DLGAP2: variants seen among roughly 807,000 people sequenced by gnomAD.
DLGAP2 encodes DLG associated protein 2.
A neutral mutation model predicts 100.3 loss-of-function variants in DLGAP2; 26 were observed. The ratio of observed to expected loss-of-function variants is 0.26; its 90% CI spans 0.19 to 0.36. DLGAP2 has a LOEUF of 0.36. DLGAP2 is among the 10% of genes least tolerant of loss of function. The pLI, the probability that DLGAP2 is intolerant of heterozygous loss-of-function variation, is 1.00. For synonymous variants in DLGAP2, 886 were observed against 630.1 expected (o/e 1.41, Z -6.08); for missense variants, 1,858 against 1,453.2 (o/e 1.28, Z -4.53).
intron 1 of DLGAP2, among the ~76,000 whole-genome samples, chr8:808,661 G>A (rs12541187): frequency 0.13 from 19,157 of 152,154 alleles, 1,385 homozygotes; most frequent in East Asian, 0.25. Context: ...CACCCAGGGT[G>A]GACGGTAGTG....
intron 2 of DLGAP2, among the ~76,000 whole-genome samples, chr8:937,557 G>T (rs560216905): frequency 6.6e-6 from 1 of 152,288 alleles, no homozygotes; most frequent in East Asian, 1.9e-4. Context: ...GCATTTATCA[G>T]AGAGAGAGCA....
chr8:1,373,217 G>T (rs914850783), intron 3 of DLGAP2, among the ~76,000 whole-genome samples: 5 of 151,902 alleles, frequency 3.3e-5, no homozygotes, highest in African/African-American at 1.2e-4. Context: ...TGCGCAGCAA[G>T]ACTCTGTGCT....
chr8:1,576,926 G>C (rs891950933), intron 6 of DLGAP2, among the ~76,000 whole-genome samples: 3 of 152,108 alleles, frequency 2.0e-5, no homozygotes, highest in Admixed American at 2.0e-4. Flanking sequence ...CTACTTTAAA[G>C]TTCTTATGGA....
At chr8:946,524 A>G (rs562160212) in intron 2 of DLGAP2, among the ~76,000 whole-genome samples, 1 of 152,006 alleles carries the variant, frequency 6.6e-6, no homozygotes, top group East Asian at 1.9e-4. Flanking sequence ...TGGCCTCCCA[A>G]AGTGCTGGGA....
At chr8:1,027,175 T>C (rs934735798) in intron 2 of DLGAP2, among the ~76,000 whole-genome samples, 1 of 152,242 alleles carries the variant, frequency 6.6e-6, no homozygotes, top group Non-Finnish European at 1.5e-5. Flanking sequence ...GTTCATTATA[T>C]TTCACAGTTA....
intron 3 of DLGAP2, among the ~76,000 whole-genome samples, chr8:1,310,851 C>T (rs1025320142): frequency 6.6e-6 from 1 of 151,962 alleles, no homozygotes; most frequent in Non-Finnish European, 1.5e-5. Context: ...ATTTTAGCCA[C>T]AGTGACATTA....
At chr8:1,373,218 A>G (rs769039355) in intron 3 of DLGAP2, among the ~76,000 whole-genome samples, 2 of 151,528 alleles carry the variant, frequency 1.3e-5, no homozygotes, top group African/African-American at 2.4e-5. Flanking sequence ...GCGCAGCAAG[A>G]CTCTGTGCTG....
intron 2 of DLGAP2, among the ~76,000 whole-genome samples, chr8:1,258,523 A>C (rs973287682): frequency 1.3e-5 from 2 of 152,316 alleles, no homozygotes; most frequent in Admixed American, 1.3e-4. Flanking sequence ...TGATGGTTGC[A>C]GCAAACCACC....
chr8:1,024,092 G>A lies in DLGAP2; in HGVS notation c.73+116126G>A, dbSNP rs117158407. On this transcript the variant is annotated intron_variant, in intron 2 of 14. Transcript: ENST00000637795. ...CCTCTTCCTGCAGGACGAGGCCTCC[G>A]GCTTGGGCTGTAAGTGAATCCCCAG... Among the ~76,000 whole-genome samples, 1,200 of 152,086 alleles carry A rather than the reference G, an allele frequency of 7.9e-3. 20 individuals carry two copies. The highest frequency in any genetic ancestry group is 0.073 in the South Asian group (353 of 4,818).
intron 6 of DLGAP2, among the ~76,000 whole-genome samples, chr8:1,597,747 A>G (rs774954418): frequency 3.9e-5 from 6 of 152,256 alleles, no homozygotes; most frequent in Non-Finnish European, 7.3e-5. Context: ...AAAGTTGCTT[A>G]TCGGCTTAAG....
chr8:1,640,465 G>A (rs932279554), intron 8 of DLGAP2, among the ~76,000 whole-genome samples: 4 of 152,182 alleles, frequency 2.6e-5, no homozygotes, highest in African/African-American at 7.2e-5. Context: ...GAGTCGGTCC[G>A]AGATGTCCCA....
At chr8:1,468,775 C>T (rs925419423) in intron 3 of DLGAP2, among the ~76,000 whole-genome samples, 7 of 151,754 alleles carry the variant, frequency 4.6e-5, no homozygotes, top group Non-Finnish European at 8.8e-5. Context: ...CAGAGCTGCA[C>T]TCCCACTGCA....
At chr8:1,331,147 G>T (rs933258824) in intron 3 of DLGAP2, among the ~76,000 whole-genome samples, 5 of 152,230 alleles carry the variant, frequency 3.3e-5, no homozygotes, top group African/African-American at 1.2e-4. Context: ...ATAATCAAAT[G>T]GCCGTCACAG....
chr8:1,321,487 T>C (rs1048437834), intron 3 of DLGAP2, among the ~76,000 whole-genome samples: 1 of 152,254 alleles, frequency 6.6e-6, no homozygotes, highest in Admixed American at 6.5e-5. Context: ...GTATGCATGG[T>C]CCGTGACCAC....
chr8:1,221,102 G>A (rs1798306256), intron 2 of DLGAP2, among the ~76,000 whole-genome samples: 1 of 152,144 alleles, frequency 6.6e-6, no homozygotes, highest in African/African-American at 2.4e-5. Flanking sequence ...TGTTTATATT[G>A]AAGGTTAATA....
At chr8:1,118,020 T>C (rs1795935449) in intron 2 of DLGAP2, among the ~76,000 whole-genome samples, 3 of 152,364 alleles carry the variant, frequency 2.0e-5, no homozygotes, top group East Asian at 3.9e-4. Context: ...AATATTGATA[T>C]GCTTTCAAAA....
intron 3 of DLGAP2, among the ~76,000 whole-genome samples, chr8:1,323,795 A>T (rs1310047394): frequency 1.3e-5 from 2 of 152,190 alleles, no homozygotes; most frequent in Non-Finnish European, 2.9e-5. Context: ...TTGAAGAAAG[A>T]GTTTCACATC....
intron 1 of DLGAP2, among the ~76,000 whole-genome samples, chr8:889,988 G>A (rs1798001491): frequency 6.6e-6 from 1 of 152,040 alleles, no homozygotes; most frequent in South Asian, 2.1e-4. Flanking sequence ...CGCCTCCCTT[G>A]GCTGGGGGAA....
intron 3 of DLGAP2, among the ~76,000 whole-genome samples, chr8:1,450,447 T>C (rs1486033656): frequency 5.9e-5 from 7 of 119,142 alleles, no homozygotes; most frequent in South Asian, 2.7e-4. Flanking sequence ...GTGGGCGGCC[T>C]CGGTGGCTGT....
Sources: allele counts gnomAD v4.1 joint callset (sites outside exome capture counted in the v4.1 genomes callset), GRCh38; gene constraint gnomAD v4.1.1; transcripts MANE v1.5; gene names NCBI Gene and HGNC (gene_info 2026-07-23, HGNC 2026-07-21).